The following GABPB1 variants were observed in gnomAD, a reference collection of about 807,000 sequenced individuals.
GABPB1 encodes the protein GA-binding protein subunit beta-1.
GABPB1 carries 15 observed loss-of-function variants against 45.9 expected under a neutral mutation model. The observed-to-expected ratio is 0.33, with a 90% CI of 0.22 to 0.50. The LOEUF is 0.50. Among genes scored for constraint, GABPB1 ranks in the 20% least tolerant of loss-of-function variants. The pLI is 0.98. For synonymous variants in GABPB1, 143 were observed against 154.4 expected, an observed-to-expected ratio of 0.93 and a Z score of 0.55; for missense variants, 252 against 457.5, an observed-to-expected ratio of 0.55 and a Z score of 4.10.
intron 1 of GABPB1, chr15:50,348,987 T>C (rs1005582894): frequency 3.3e-5 from 5 of 152,150 alleles, no homozygotes; most frequent in Admixed American, 1.3e-4. Context: ...ACTATAAAAC[T>C]ATAAAATACC....
intron 8 of GABPB1, among the ~76,000 whole-genome samples, chr15:50,280,577 C>T (rs773882326): frequency 1.3e-5 from 2 of 151,888 alleles, no homozygotes; most frequent in Non-Finnish European, 2.9e-5. Flanking sequence ...ATGGCAAAAC[C>T]CCTACAAAAA....
At chr15:50,296,024 G>A (rs1450742770) in intron 6 of GABPB1, among the ~76,000 whole-genome samples, 3 of 152,062 alleles carry the variant, frequency 2.0e-5, no homozygotes, top group African/African-American at 7.2e-5. Context: ...ATTTTCTAAT[G>A]GAAAGTCAAT....
rs1413331818 is a variant in GABPB1 at position 50,319,346 on chromosome 15, T to C, written c.1-9548A>G. ...TTTGTTACACGTATATATTGCATCG[T>C]GGTGAAGTCTGGGCTTTCAATGTGT... On this transcript the variant is annotated intron_variant, in intron 1 of 8. Transcript: ENST00000380877. Among the ~76,000 whole-genome samples, 4 of 152,342 alleles carry C rather than the reference T, an allele frequency of 2.6e-5. 1 individual carries two copies. The highest frequency in any genetic ancestry group is 3.4e-3 in the Middle Eastern group (1 of 294).
intron 1 of GABPB1, chr15:50,354,601 C>T (rs1046667150): frequency 2.2e-6 from 1 of 446,152 alleles, no homozygotes; most frequent in South Asian, 1.6e-5. Context: ...CTCCAGTCGC[C>T]CGCAGAACCT....
chr15:50,335,940 A>G (rs1595828193), intron 1 of GABPB1, among the ~76,000 whole-genome samples: 1 of 149,176 alleles, frequency 6.7e-6, no homozygotes, highest in South Asian at 2.1e-4. Flanking sequence ...AATCTAGGCC[A>G]CTATTATCCA....
chr15:50,287,641 C>G (rs1245705654), intron 7 of GABPB1, among the ~76,000 whole-genome samples: 1 of 152,170 alleles, frequency 6.6e-6, no homozygotes, highest in Non-Finnish European at 1.5e-5. Context: ...TGATCTCGCA[C>G]TTTTAGCCTT....
intron 1 of GABPB1, among the ~76,000 whole-genome samples, chr15:50,327,814 G>A (rs1447278094): frequency 2.0e-5 from 3 of 152,084 alleles, no homozygotes; most frequent in South Asian, 2.1e-4. Context: ...CAGGAGAATC[G>A]CTTGAACCCG....
intron 6 of GABPB1, among the ~76,000 whole-genome samples, chr15:50,300,417 G>C (rs977056844): frequency 1.8e-4 from 23 of 125,562 alleles, no homozygotes; most frequent in Non-Finnish European, 3.0e-4. Flanking sequence ...GTAAATATTT[G>C]AATCTGCAAC....
At chr15:50,342,324 C>CT (rs71124343) in intron 1 of GABPB1, among the ~76,000 whole-genome samples, 10,570 of 147,240 alleles carry the variant, frequency 0.072, 621 homozygotes, top group East Asian at 0.2. Context: ...GGATTGATCT[C>CT]TTTTTTTTTT....
At chr15:50,323,101 TG>T (rs1263412220) in intron 1 of GABPB1, among the ~76,000 whole-genome samples, 1 of 152,174 alleles carries the variant, frequency 6.6e-6, no homozygotes, top group Admixed American at 6.5e-5. Flanking sequence ...CTGGGCACAG[TG>T]GTGTGCACCT....
chr15:50,332,467 T>A (rs946898257), intron 1 of GABPB1, among the ~76,000 whole-genome samples: 1 of 152,126 alleles, frequency 6.6e-6, no homozygotes, highest in African/African-American at 2.4e-5. Flanking sequence ...TTTTTAAATC[T>A]TTTTTTAGAT....
chr15:50,350,492 G>C (rs1306749361), intron 1 of GABPB1: 3 of 150,884 alleles, frequency 2.0e-5, no homozygotes, highest in Non-Finnish European at 4.4e-5. Context: ...TTACAGTGTG[G>C]TTTAAAGCCC....
At chr15:50,349,377 G>A (rs189635884) in intron 1 of GABPB1, 4 of 152,212 alleles carry the variant, frequency 2.6e-5, no homozygotes, top group Admixed American at 2.6e-4. Context: ...TTATGTTTCA[G>A]GTACTGTTCT....
chr15:50,303,958 A>G lies in GABPB1; in HGVS notation c.276+8T>C. ...TTTAAAAGCAAAGTGCAAAAAGAGA[A>G]CACATACCTTAAGTAAAACCTCTAC... On this transcript the variant is annotated splice_region_variant and intron_variant, in intron 3 of 8. Coordinates refer to ENST00000380877, the MANE Select transcript of GABPB1 (RefSeq NM_016654.5). 3 of 1,582,770 alleles carry G rather than the reference A, an allele frequency of 1.9e-6. No individual in the cohort carries two copies. The highest frequency in any genetic ancestry group is 2.6e-6 in the Non-Finnish European group (3 of 1,167,608).
At chr15:50,315,155 A>T (rs2047272506) in intron 1 of GABPB1, among the ~76,000 whole-genome samples, 1 of 152,264 alleles carries the variant, frequency 6.6e-6, no homozygotes, top group Non-Finnish European at 1.5e-5. Flanking sequence ...CTTTTGAGAT[A>T]GAGTCTCTCT....
At chr15:50,318,082 C>G (rs1302680088) in intron 1 of GABPB1, among the ~76,000 whole-genome samples, 1 of 151,968 alleles carries the variant, frequency 6.6e-6, no homozygotes, top group Non-Finnish European at 1.5e-5. Context: ...AAAAACAGTC[C>G]CTAGCATCTT....
chr15:50,331,473 T>G (rs2047946196), intron 1 of GABPB1, among the ~76,000 whole-genome samples: 1 of 152,196 alleles, frequency 6.6e-6, no homozygotes, highest in African/African-American at 2.4e-5. Flanking sequence ...CAGCATATGT[T>G]AAGCGCCCTG....
chr15:50,280,370 G>A (rs1200188087), intron 8 of GABPB1, among the ~76,000 whole-genome samples: 1 of 152,166 alleles, frequency 6.6e-6, no homozygotes, highest in Non-Finnish European at 1.5e-5. Context: ...ACCAATGGAA[G>A]GGGTGAGGGG....
chr15:50,342,098 C>T (rs1376846145), intron 1 of GABPB1, among the ~76,000 whole-genome samples: 1 of 152,198 alleles, frequency 6.6e-6, no homozygotes, highest in African/African-American at 2.4e-5. Context: ...GTCTTCCCCT[C>T]CCGAACTTAC....
Sources: gnomAD v4.1 joint callset for allele counts (sites outside exome capture counted in the v4.1 genomes callset) on GRCh38, gnomAD v4.1.1 for gene constraint, MANE v1.5 for transcripts, NCBI Gene and HGNC (gene_info 2026-07-23, HGNC 2026-07-21) for gene names.